CUBN: variants seen among roughly 807,000 people sequenced by gnomAD.
The protein encoded by CUBN is 460 kDa receptor.
Under a neutral mutation model 405.3 loss-of-function variants are expected in CUBN, and 282 were observed. The ratio of observed to expected loss-of-function variants is 0.70; its 90% CI spans 0.63 to 0.77. CUBN has a LOEUF of 0.77. Among genes scored for constraint, CUBN ranks in the 30% least tolerant of loss-of-function variants. CUBN has a pLI of 0.00. For synonymous variants in CUBN, 1,684 were observed against 1,617.0 expected (o/e 1.04, Z -0.99); for missense variants, 4,514 against 4,475.2 (o/e 1.01, Z -0.25).
At chr10:16,976,874 T>C (rs1426643670) in intron 31 of CUBN, among the ~76,000 whole-genome samples, 4 of 152,194 alleles carry the variant, frequency 2.6e-5, no homozygotes, top group African/African-American at 9.7e-5. Flanking sequence ...GGTGTTAATT[T>C]TAGCTATGGT....
At chr10:17,039,014 C>G (rs1014840035) in intron 27 of CUBN, among the ~76,000 whole-genome samples, 1 of 152,116 alleles carries the variant, frequency 6.6e-6, no homozygotes, top group Non-Finnish European at 1.5e-5. Flanking sequence ...TTTTTGTTGC[C>G]ATTTCATCCT....
chr10:17,033,265 T>C (rs1190839801), intron 27 of CUBN, among the ~76,000 whole-genome samples: 1 of 152,168 alleles, frequency 6.6e-6, no homozygotes, highest in Non-Finnish European at 1.5e-5. Flanking sequence ...ACCTGGTGTG[T>C]TATTCATCCT....
intron 56 of CUBN, among the ~76,000 whole-genome samples, chr10:16,885,653 C>T (rs1232429770): frequency 6.7e-6 from 1 of 150,116 alleles, no homozygotes; most frequent in Non-Finnish European, 1.5e-5. Flanking sequence ...CACCTGATAA[C>T]TGAGCTCAGG....
Position 17,017,249 on chromosome 10 carries a change from C to T in CUBN, c.4168+2584G>A, listed in dbSNP as rs547620654. On this transcript the variant is annotated intron_variant, in intron 28 of 66. Coordinates refer to ENST00000377833, the MANE Select transcript of CUBN (RefSeq NM_001081.4). The stretch of plus-strand genomic sequence containing the variant: ...GCACTCACCAACGCAGCAGCAGAAA[C>T]ACTAGTTTTCCTCCTAGACCACAAG... Among the ~76,000 whole-genome samples, 19 of 152,302 alleles carry T rather than the reference C, an allele frequency of 1.2e-4. No individual in the cohort carries two copies. In the South Asian group the frequency reaches 1.5e-3, roughly 12 times the overall value.
At chr10:17,079,284 G>A (rs968533330) in intron 17 of CUBN, among the ~76,000 whole-genome samples, 4 of 142,260 alleles carry the variant, frequency 2.8e-5, no homozygotes, top group African/African-American at 7.9e-5. Context: ...CACCCAAGCT[G>A]GAGTATAGTG....
chr10:16,975,048 A>G (rs1833050780), intron 31 of CUBN, among the ~76,000 whole-genome samples: 1 of 152,152 alleles, frequency 6.6e-6, no homozygotes, highest in Middle Eastern at 3.2e-3. Context: ...TGAAAGTTGT[A>G]TGTAGATTTT....
intron 7 of CUBN, 80 bp downstream of exon 7, chr10:17,115,391 T>C (rs1836869137): frequency 6.4e-7 from 1 of 1,574,410 alleles, no homozygotes. Flanking sequence ...AGGTAGTGCT[T>C]GTATGCAGTG....
chr10:16,999,702 C>G (rs1178410283), intron 28 of CUBN, among the ~76,000 whole-genome samples: 1 of 152,186 alleles, frequency 6.6e-6, no homozygotes, highest in Non-Finnish European at 1.5e-5. Flanking sequence ...ACAGAGAAAA[C>G]ATGTTCTCTG....
chr10:16,824,786 C>A lies in CUBN; in HGVS notation c.*189G>T. ...CAACCTGCCTCGGCCTCCCAAAGTGCTGAGAATACAGGGGGGTGAGCCACC... is the reference window on the plus strand; with the variant it reads ...CAACCTGCCTCGGCCTCCCAAAGTGATGAGAATACAGGGGGGTGAGCCACC... On this transcript the variant is annotated 3_prime_UTR_variant, in exon 67 of 67. Coordinates refer to ENST00000377833, the MANE Select transcript of CUBN (RefSeq NM_001081.4). 1 of 581,322 alleles carries A rather than the reference C, an allele frequency of 1.7e-6. No homozygotes were observed. The highest frequency in any genetic ancestry group is 3.2e-6 in the Non-Finnish European group (1 of 311,110). 36.0% of individuals were successfully genotyped at this position (581,322 alleles called of 1,614,324 possible).
chr10:17,116,519 T>C (rs1236342933), intron 6 of CUBN, among the ~76,000 whole-genome samples: 1 of 152,138 alleles, frequency 6.6e-6, no homozygotes, highest in Non-Finnish European at 1.5e-5. Context: ...GAAATGACTG[T>C]TGGTGCCAGG....
chr10:16,930,185 C>G (rs1055081691), intron 40 of CUBN, among the ~76,000 whole-genome samples: 1 of 152,196 alleles, frequency 6.6e-6, no homozygotes, highest in Non-Finnish European at 1.5e-5. Flanking sequence ...AATTCTTTCT[C>G]TAGTCCAACC....
intron 27 of CUBN, among the ~76,000 whole-genome samples, chr10:17,031,972 G>C (rs1382591296): frequency 6.6e-6 from 1 of 152,222 alleles, no homozygotes; most frequent in Non-Finnish European, 1.5e-5. Context: ...AGCACAGAGA[G>C]AAAGCAAAGC....
chr10:17,088,125 T>C (rs1836166050), intron 15 of CUBN, 39 bp downstream of exon 15: 4 of 1,529,684 alleles, frequency 2.6e-6, no homozygotes, highest in Non-Finnish European at 3.6e-6. Context: ...TGAGTCCTAA[T>C]CATATTGTGA....
At chr10:16,982,445 GT>G (rs752807393) in intron 31 of CUBN, 38 bp downstream of exon 31, 1 of 1,572,624 alleles carries the variant, frequency 6.4e-7, no homozygotes, top group African/African-American at 1.3e-5. Context: ...TTTGACCGAG[GT>G]TTGACTGGAG....
At chr10:17,031,684 A>G (rs1466405536) in intron 27 of CUBN, among the ~76,000 whole-genome samples, 2 of 152,228 alleles carry the variant, frequency 1.3e-5, no homozygotes, top group Non-Finnish European at 2.9e-5. Context: ...GTGCTGGCTG[A>G]GGCAGTTCTA....
intron 15 of CUBN, among the ~76,000 whole-genome samples, chr10:17,087,328 C>G (rs184236322): frequency 3.3e-5 from 5 of 152,200 alleles, no homozygotes; most frequent in Admixed American, 2.0e-4. Flanking sequence ...AATATAAGAG[C>G]CTTTTCTCCT....
intron 37 of CUBN, among the ~76,000 whole-genome samples, 178 bp from the exon 38 acceptor site, chr10:16,939,325 G>C (rs1386904937): frequency 6.6e-6 from 1 of 152,154 alleles, no homozygotes; most frequent in South Asian, 2.1e-4. Context: ...CACTTCCTTA[G>C]AAAAGGTCCT....
intron 28 of CUBN, among the ~76,000 whole-genome samples, chr10:17,019,240 G>A (rs1355632340): frequency 6.6e-6 from 1 of 152,142 alleles, no homozygotes; most frequent in Admixed American, 6.5e-5. Flanking sequence ...TCAGAGGAAT[G>A]ATGATCCCTA....
chr10:17,018,887 C>T (rs908583530), intron 28 of CUBN, among the ~76,000 whole-genome samples: 10 of 151,494 alleles, frequency 6.6e-5, no homozygotes, highest in Non-Finnish European at 1.0e-4. Flanking sequence ...ACACAGAGCG[C>T]TGATTGGTGC....
Sources: gnomAD v4.1 joint callset for allele counts (sites outside exome capture counted in the v4.1 genomes callset) on GRCh38, gnomAD v4.1.1 for gene constraint, MANE v1.5 for transcripts, NCBI Gene and HGNC (gene_info 2026-07-23, HGNC 2026-07-21) for gene names.